TFEC: variants seen among roughly 807,000 people sequenced by gnomAD.
TFEC encodes class E basic helix-loop-helix protein 34.
Under a neutral mutation model 41.6 loss-of-function variants are expected in TFEC, and 31 were observed. The ratio of observed to expected loss-of-function variants is 0.74; its 90% CI spans 0.56 to 1.01. The LOEUF (loss-of-function observed/expected upper bound fraction) is 1.01, where lower values mean the gene tolerates loss of function less well. TFEC is among the 50% of genes least tolerant of loss of function. The pLI is 0.00. For missense variants in TFEC, 402 were observed against 404.1 expected, an observed-to-expected ratio of 0.99 and a Z score of 0.04; for synonymous variants, 143 against 140.6, an observed-to-expected ratio of 1.02 and a Z score of -0.12.
At chr7:116,085,332 G>A (rs1172276939) in intron 3 of TFEC, among the ~76,000 whole-genome samples, 2 of 151,924 alleles carry the variant, frequency 1.3e-5, no homozygotes, top group African/African-American at 2.4e-5. Flanking sequence ...CTGAGAATGT[G>A]TCAAAGAGTT....
At chr7:116,078,703 A>G (rs1797018145) in intron 3 of TFEC, among the ~76,000 whole-genome samples, 1 of 152,072 alleles carries the variant, frequency 6.6e-6, no homozygotes, top group Non-Finnish European at 1.5e-5. Flanking sequence ...TAAAATTGCC[A>G]ATACAAATAG....
intron 1 of TFEC, among the ~76,000 whole-genome samples, chr7:116,128,137 T>C (rs529319514): frequency 3.3e-5 from 5 of 152,280 alleles, no homozygotes; most frequent in African/African-American, 1.2e-4. Context: ...GCACACTAAT[T>C]TGAAATCACA....
At chr7:116,094,917 TC>T (rs1448707642) in intron 3 of TFEC, among the ~76,000 whole-genome samples, 3 of 152,198 alleles carry the variant, frequency 2.0e-5, no homozygotes, top group Admixed American at 2.0e-4. Flanking sequence ...TAAGTCTCAT[TC>T]GATGTTAATT....
intron 3 of TFEC, among the ~76,000 whole-genome samples, chr7:116,036,735 C>T (rs1373558763): frequency 1.3e-5 from 2 of 151,920 alleles, no homozygotes; most frequent in Non-Finnish European, 2.9e-5. Context: ...ATAAATTACC[C>T]ATGGTTTAAA....
intron 1 of TFEC, chr7:116,157,460 G>A (rs1046184202): frequency 6.6e-6 from 1 of 152,010 alleles, no homozygotes; most frequent in African/African-American, 2.4e-5. Flanking sequence ...GATGCATATA[G>A]AATAACACAA....
At chr7:116,085,419 G>A (rs571179506) in intron 3 of TFEC, among the ~76,000 whole-genome samples, 3 of 151,738 alleles carry the variant, frequency 2.0e-5, no homozygotes, top group Non-Finnish European at 4.4e-5. Context: ...TTTTTCTATG[G>A]TAGAGAGAGT....
chr7:115,986,566 T>A (rs1356017286), intron 1 of TFEC, among the ~76,000 whole-genome samples: 1 of 151,936 alleles, frequency 6.6e-6, no homozygotes, highest in Non-Finnish European at 1.5e-5. Context: ...TGATTTTAAG[T>A]CAGCTGTTGG....
chr7:116,003,459 G>A (rs1035003423), intron 1 of TFEC, among the ~76,000 whole-genome samples: 2 of 151,956 alleles, frequency 1.3e-5, no homozygotes, highest in African/African-American at 4.8e-5. Context: ...ATATTTATAT[G>A]CCCAAAAACA....
At chr7:116,142,806 T>C (rs545808577) in intron 1 of TFEC, among the ~76,000 whole-genome samples, 1 of 152,304 alleles carries the variant, frequency 6.6e-6, no homozygotes, top group Non-Finnish European at 1.5e-5. Context: ...TCCTGTATCT[T>C]TATAATAAAT....
At chr7:115,968,096 A>AT in intron 3 of TFEC, 1 of 1,308,904 alleles carries the variant, frequency 7.6e-7, no homozygotes, top group South Asian at 1.7e-5. Flanking sequence ...ACCTTATTTT[A>AT]TTGACTATAA....
intron 2 of TFEC, among the ~76,000 whole-genome samples, chr7:115,974,961 T>C (rs574578007): frequency 6.6e-6 from 1 of 152,058 alleles, no homozygotes; most frequent in Non-Finnish European, 1.5e-5. Context: ...TTAATACTTA[T>C]AATCACTCAA....
rs553832740 is a variant in TFEC at position 116,112,552 on chromosome 7, G to A, written c.-68-514C>T. Among the ~76,000 whole-genome samples, 4 of 152,042 alleles carry A rather than the reference G, an allele frequency of 2.6e-5. No individual in the cohort carries two copies. The East Asian group carries it at 5.8e-4, about 22-fold the overall frequency. Reference sequence around the variant, plus strand: ...ATTATAGCTGTACACATGACAATTGGTGCCCAATATTGAATTGTCAACCTC... The same window carrying A: ...ATTATAGCTGTACACATGACAATTGATGCCCAATATTGAATTGTCAACCTC... On this transcript the variant is annotated intron_variant, in intron 1 of 8. Transcript: ENST00000484212.
At chr7:116,010,155 TC>T (rs1562931070) in intron 1 of TFEC, among the ~76,000 whole-genome samples, 2 of 152,082 alleles carry the variant, frequency 1.3e-5, no homozygotes, top group Admixed American at 6.6e-5. Context: ...AATGACATGG[TC>T]CAAAGGGGCT....
At chr7:116,015,329 C>G (rs938416792) in intron 1 of TFEC, among the ~76,000 whole-genome samples, 2 of 151,916 alleles carry the variant, frequency 1.3e-5, no homozygotes, top group Non-Finnish European at 2.9e-5. Context: ...ATTAAATGCT[C>G]TAATAGTAGA....
chr7:116,070,015 A>G (rs915726191), intron 3 of TFEC, among the ~76,000 whole-genome samples: 8 of 151,538 alleles, frequency 5.3e-5, no homozygotes, highest in African/African-American at 1.9e-4. Context: ...TTTGTAGAAT[A>G]TAAAAACATT....
chr7:116,048,952 A>AGCCT (rs1796240325), intron 3 of TFEC, among the ~76,000 whole-genome samples: 1 of 152,186 alleles, frequency 6.6e-6, no homozygotes, highest in South Asian at 2.1e-4. Flanking sequence ...GTCACCACCA[A>AGCCT]GCCTGCCTTA....
intron 1 of TFEC, among the ~76,000 whole-genome samples, chr7:116,159,343 T>C (rs958155680): frequency 6.6e-6 from 1 of 151,982 alleles, no homozygotes; most frequent in Non-Finnish European, 1.5e-5. Flanking sequence ...TCTGAGATGA[T>C]TAATCGATGC....
chr7:116,036,033 A>G (rs1198709470), intron 3 of TFEC, among the ~76,000 whole-genome samples: 1 of 152,078 alleles, frequency 6.6e-6, no homozygotes, highest in African/African-American at 2.4e-5. Context: ...TTATTTTTAA[A>G]TTTCACAAAA....
intron 1 of TFEC, among the ~76,000 whole-genome samples, chr7:115,996,242 G>A (rs1046384707): frequency 2.6e-5 from 4 of 152,108 alleles, no homozygotes; most frequent in African/African-American, 9.7e-5. Context: ...ATGGGTACCA[G>A]CTCAGCCACA....
Sources: allele counts gnomAD v4.1 joint callset (sites outside exome capture counted in the v4.1 genomes callset), GRCh38; gene constraint gnomAD v4.1.1; transcripts MANE v1.5; gene names NCBI Gene and HGNC (gene_info 2026-07-23, HGNC 2026-07-21).